The following RBFOX1 variants were observed in gnomAD, a reference collection of about 807,000 sequenced individuals.
RBFOX1 encodes RNA binding protein fox-1 homolog 1.
In RBFOX1, 8 loss-of-function variants were observed where a neutral mutation model predicts 57.7. The ratio of observed to expected loss-of-function variants is 0.14; its 90% confidence interval spans 0.08 to 0.25. The LOEUF is 0.25. Among genes scored for constraint, RBFOX1 ranks in the 10% least tolerant of loss-of-function variants. The pLI, the probability that RBFOX1 is intolerant of heterozygous loss-of-function variation, is 1.00. For synonymous variants in RBFOX1, 326 were observed against 222.4 expected (o/e 1.47, Z -4.15); for missense variants, 611 against 548.5 (o/e 1.11, Z -1.14).
chr16:7,010,362 C>T (rs951569994), intron 3 of RBFOX1, among the ~76,000 whole-genome samples: 2 of 152,274 alleles, frequency 1.3e-5, no homozygotes, highest in Middle Eastern at 6.8e-3. Flanking sequence ...ACTTTCTGTA[C>T]AGACTCTTAC....
intron 5 of RBFOX1, among the ~76,000 whole-genome samples, chr16:7,560,531 T>TC: frequency 1.0e-5 from 1 of 95,738 alleles, no homozygotes; most frequent in African/African-American, 3.7e-5. Context: ...ATGTAGAGTA[T>TC]CAAAAAAAAA....
chr16:6,492,249 C>T (rs1286332798), intron 2 of RBFOX1, among the ~76,000 whole-genome samples: 1 of 152,168 alleles, frequency 6.6e-6, no homozygotes, highest in Non-Finnish European at 1.5e-5. Flanking sequence ...GTACCTTCTT[C>T]TGTAGAGGAC....
intron 2 of RBFOX1, among the ~76,000 whole-genome samples, chr16:6,450,611 C>G (rs1176322051): frequency 1.3e-5 from 2 of 149,682 alleles, no homozygotes; most frequent in African/African-American, 2.5e-5. Context: ...ACCCCTGTTT[C>G]CATTTCTTTA....
intron 2 of RBFOX1, among the ~76,000 whole-genome samples, chr16:6,430,265 A>C (rs1224398562): frequency 6.6e-6 from 1 of 152,180 alleles, no homozygotes; most frequent in Non-Finnish European, 1.5e-5. Flanking sequence ...GGCACCAGGG[A>C]ATATAAAACA....
chr16:6,161,095 G>A (rs2096875217), intron 1 of RBFOX1, among the ~76,000 whole-genome samples: 1 of 152,082 alleles, frequency 6.6e-6, no homozygotes, highest in Non-Finnish European at 1.5e-5. Context: ...AATAAATGGA[G>A]AAGTGATCAC....
intron 1 of RBFOX1, among the ~76,000 whole-genome samples, chr16:5,335,267 G>C (rs1038455258): frequency 2.0e-5 from 3 of 152,114 alleles, no homozygotes; most frequent in Admixed American, 2.0e-4. Context: ...TAGCCTTTTG[G>C]TTCATTCATT....
intron 2 of RBFOX1, among the ~76,000 whole-genome samples, chr16:5,515,279 T>C (rs2043749908): frequency 6.6e-6 from 1 of 152,262 alleles, no homozygotes. Flanking sequence ...GAGTGGTTTT[T>C]GGCACCTTTT....
chr16:7,095,448 T>C (rs953735341), intron 4 of RBFOX1, among the ~76,000 whole-genome samples: 9 of 152,204 alleles, frequency 5.9e-5, no homozygotes, highest in African/African-American at 2.2e-4. Flanking sequence ...TAGAATGTTC[T>C]TCCTTAATAG....
chr16:5,782,981 C>G (rs569805084), intron 3 of RBFOX1, among the ~76,000 whole-genome samples: 33 of 152,282 alleles, frequency 2.2e-4, no homozygotes, highest in African/African-American at 6.5e-4. Flanking sequence ...GGGTCATTCA[C>G]TTTGTCGAGT....
chr16:7,356,168 A>G (rs1044716866), intron 4 of RBFOX1, among the ~76,000 whole-genome samples: 16 of 152,218 alleles, frequency 1.1e-4, no homozygotes, highest in Non-Finnish European at 1.5e-4. Flanking sequence ...ACTATCAGGC[A>G]TTGATTCCAT....
At chr16:7,051,907 C>A in intron 3 of RBFOX1, 150 bp from the exon 4 acceptor site, 1 of 1,183,942 alleles carries the variant, frequency 8.4e-7, no homozygotes. Flanking sequence ...GAAGCTTGAG[C>A]TATGTAGACC....
chr16:6,966,462 C>G (rs1266671336), intron 3 of RBFOX1, among the ~76,000 whole-genome samples: 2 of 152,152 alleles, frequency 1.3e-5, no homozygotes, highest in Non-Finnish European at 2.9e-5. Flanking sequence ...TGAGCTCATT[C>G]TGCCATCCAC....
chr16:5,557,162 A>G (rs2045709234), intron 2 of RBFOX1, among the ~76,000 whole-genome samples: 1 of 152,032 alleles, frequency 6.6e-6, no homozygotes, highest in Non-Finnish European at 1.5e-5. Context: ...CAGGAGGCTG[A>G]GGCAGGAAAG....
At chr16:6,907,669 C>T (rs1423822550) in intron 3 of RBFOX1, among the ~76,000 whole-genome samples, 1 of 152,162 alleles carries the variant, frequency 6.6e-6, no homozygotes, top group Non-Finnish European at 1.5e-5. Flanking sequence ...CTCCTGGGTT[C>T]AAGCAATTCT....
chr16:5,610,560 C>T (rs1363895480), intron 3 of RBFOX1: 1 of 152,132 alleles, frequency 6.6e-6, no homozygotes, highest in Non-Finnish European at 1.5e-5. Flanking sequence ...GGCACAGTGG[C>T]TTATGCTGTT....
intron 1 of RBFOX1, among the ~76,000 whole-genome samples, chr16:6,096,986 G>T (rs897018111): frequency 2.0e-5 from 3 of 152,106 alleles, no homozygotes; most frequent in African/African-American, 4.8e-5. Context: ...ATCTTATCTT[G>T]AATTGTAGCT....
intron 2 of RBFOX1, among the ~76,000 whole-genome samples, chr16:6,522,430 A>C (rs544471256): frequency 6.6e-6 from 1 of 152,098 alleles, no homozygotes; most frequent in Non-Finnish European, 1.5e-5. Flanking sequence ...TCGTATTGGG[A>C]AGATTTTTTT....
chr16:7,129,705 G>A (rs2069670923), intron 4 of RBFOX1, among the ~76,000 whole-genome samples: 1 of 152,030 alleles, frequency 6.6e-6, no homozygotes, highest in Admixed American at 6.5e-5. Flanking sequence ...TCAAGTGCCT[G>A]GGAGCCCCCA....
intron 4 of RBFOX1, among the ~76,000 whole-genome samples, chr16:7,188,684 G>T (rs1255450909): frequency 6.6e-6 from 1 of 152,142 alleles, no homozygotes; most frequent in African/African-American, 2.4e-5. Flanking sequence ...CCTGCAGCAG[G>T]TTTCATTTAT....
Sources: gnomAD v4.1 joint callset for allele counts (sites outside exome capture counted in the v4.1 genomes callset) on GRCh38, gnomAD v4.1.1 for gene constraint, MANE v1.5 for transcripts, NCBI Gene and HGNC (gene_info 2026-07-23, HGNC 2026-07-21) for gene names.